Variants in MRPL21 observed in about 807,000 individuals in gnomAD.
MRPL21 encodes large ribosomal subunit protein bL21m.
In MRPL21, 20 loss-of-function variants were observed where a neutral mutation model predicts 27.3. The ratio of observed to expected loss-of-function variants is 0.73; its 90% CI spans 0.52 to 1.06. The LOEUF (loss-of-function observed/expected upper bound fraction) is 1.06, where lower values mean the gene tolerates loss of function less well. Among genes scored for constraint, MRPL21 ranks in the 50% least tolerant of loss-of-function variants. The probability of loss-of-function intolerance (pLI) is 0.00; values close to 1 mark genes in which losing one functional copy is unlikely to be tolerated. For synonymous variants in MRPL21, 98 were observed against 101.5 expected (o/e 0.97, Z 0.21); for missense variants, 249 against 251.4 (o/e 0.99, Z 0.06).
chr11:68,900,493 G>C (rs1191092994), intron 2 of MRPL21, 55 bp downstream of exon 2: 1 of 1,488,112 alleles, frequency 6.7e-7, no homozygotes. Flanking sequence ...ACTTTAGAAA[G>C]ATGGTTCTAC....
chr11:68,896,272 C>G (rs559991563), intron 4 of MRPL21, among the ~76,000 whole-genome samples: 3 of 152,212 alleles, frequency 2.0e-5, no homozygotes, highest in Non-Finnish European at 4.4e-5. Context: ...TGTGCTGTCT[C>G]CCTTCCTCCA....
intron 2 of MRPL21, among the ~76,000 whole-genome samples, chr11:68,898,634 G>C (rs1354052181): frequency 6.6e-6 from 1 of 152,346 alleles, no homozygotes; most frequent in South Asian, 2.1e-4. Context: ...CCGCCTGAAA[G>C]GGCTGTGTTA....
intron 2 of MRPL21, among the ~76,000 whole-genome samples, 169 bp from the exon 3 acceptor site, chr11:68,898,181 TA>T (rs1857848635): frequency 6.6e-6 from 1 of 152,212 alleles, no homozygotes; most frequent in Non-Finnish European, 1.5e-5. Context: ...AGGCTCCCTG[TA>T]TCCTTTTAGA....
chr11:68,896,451 G>C (rs943783940), intron 4 of MRPL21, 64 bp downstream of exon 4: 2 of 1,579,422 alleles, frequency 1.3e-6, no homozygotes, highest in Non-Finnish European at 1.7e-6. Context: ...TGTGAGCTGG[G>C]GCGTGGAGAT....
At chr11:68,902,121 TC>T (rs1303354668) in intron 1 of MRPL21, among the ~76,000 whole-genome samples, 2 of 152,208 alleles carry the variant, frequency 1.3e-5, no homozygotes, top group African/African-American at 4.8e-5. Context: ...ACTGTGTACT[TC>T]CATCACGTCT....
intron 3 of MRPL21, 108 bp from the exon 4 acceptor site, chr11:68,896,786 C>G (rs1445619151): frequency 3.5e-6 from 5 of 1,436,816 alleles, no homozygotes; most frequent in African/African-American, 2.8e-5. Context: ...ACCTGACAGC[C>G]AGCACCCCTT....
rs1857693105 is a variant in MRPL21, at chr11:68,893,081, T to C, written c.450-88A>G. The C allele has an allele frequency of 4.2e-6, 6 of 1,418,250 alleles. No homozygotes were observed. In the South Asian group the frequency reaches 6.0e-5, roughly 14 times the overall value. 87.9% of individuals were successfully genotyped at this position (1,418,250 alleles called of 1,614,324 possible). On this transcript the variant is annotated intron_variant, in intron 5 of 6. Transcript: ENST00000362034. ...AGAATTTCTAAAATGAAGTTATACT[T>C]TCTCTTTTGTTGATTATAAAAGTAA...
chr11:68,891,336 A>G lies in MRPL21; in HGVS notation c.613T>C (p.Leu205=). 6.2e-7 allele frequency: 1 copy of G among 1,614,086 alleles called. No individual in the cohort carries two copies. The highest frequency in any genetic ancestry group is 8.5e-7 in the Non-Finnish European group (1 of 1,179,978). Residue 205 remains leucine (L), a synonymous_variant, in exon 7 of 7, where the codon TTG becomes CTG. Transcript: ENST00000362034. ...INSIEIAPCL[L] ...TGTAAGTATTAACTCGGTAATCACA[A>G]CAAACACGGAGCAATCTCAATGCTG...
Position 68,895,030 on chromosome 11 carries a change from C to T in MRPL21, c.396+1485G>A, listed in dbSNP as rs150300078. 4.0e-3 allele frequency among the ~76,000 whole-genome samples: 612 copies of T among 152,220 alleles called. 10 individuals are homozygous for T. The highest frequency in any genetic ancestry group is 0.029 in the Admixed American group (437 of 15,300). ...CTGTAATCCCAACACTGTGGGAGGC[C>T]GAGGCGGGCAGACTGCCTGAGGTTG... On this transcript the variant is annotated intron_variant, in intron 4 of 6. Coordinates refer to ENST00000362034, the MANE Select transcript of MRPL21 (RefSeq NM_181514.2).
chr11:68,895,130 A>G (rs1240504661), intron 4 of MRPL21, among the ~76,000 whole-genome samples: 3 of 151,826 alleles, frequency 2.0e-5, no homozygotes, highest in African/African-American at 4.8e-5. Flanking sequence ...CAGGCATGGT[A>G]GTGCATGCCT....
At chr11:68,893,839 C>T (rs556468224) in intron 4 of MRPL21, among the ~76,000 whole-genome samples, 38 of 152,176 alleles carry the variant, frequency 2.5e-4, no homozygotes, top group Non-Finnish European at 4.9e-4. Flanking sequence ...TTTGGGAGGC[C>T]GAGGTGGGTG....
chr11:68,891,279 C>T lies in MRPL21; in HGVS notation c.*52G>A, dbSNP rs1857638934. On this transcript the variant is annotated 3_prime_UTR_variant, in exon 7 of 7. Coordinates refer to ENST00000362034, the MANE Select transcript of MRPL21 (RefSeq NM_181514.2). ...AAACCAGAACACAGAAACCTGGTCT[C>T]CTTGGGAAGCAGGAGTTTATTTTTA... 2 of 1,571,396 alleles carry T rather than the reference C, an allele frequency of 1.3e-6. No homozygotes were observed.
chr11:68,903,228 T>A (rs1858013234), intron 1 of MRPL21, among the ~76,000 whole-genome samples: 1 of 152,156 alleles, frequency 6.6e-6, no homozygotes, highest in Non-Finnish European at 1.5e-5. Context: ...AGCAGAGATT[T>A]ATAGAGTTTT....
chr11:68,893,446 C>G lies in MRPL21; in HGVS notation c.406G>C (p.Val136Leu). Reference sequence around the variant, plus strand: ...AGCAGCGTGAAGTTGTCTGCCCCAACCAGCAGGACCTGAAAAATTCAACAG... The same window carrying G: ...AGCAGCGTGAAGTTGTCTGCCCCAAGCAGCAGGACCTGAAAAATTCAACAG... ...ERIRLEKVLL[V>L]GADNFTLLGK... The change falls in exon 5 of 7, where the codon GTT becomes CTT. Residue 136 changes from valine (V) to leucine (L), a missense_variant. Physicochemically the swap from Val to Leu is conservative, Grantham distance 32. Coordinates refer to ENST00000362034, the MANE Select transcript of MRPL21 (RefSeq NM_181514.2). 1 of 1,614,218 alleles carries G rather than the reference C, an allele frequency of 6.2e-7. No homozygotes were observed. The highest frequency in any genetic ancestry group is 8.5e-7 in the Non-Finnish European group (1 of 1,180,040).
At chr11:68,893,198 T>C (rs948282397) in intron 5 of MRPL21, 34 of 1,361,700 alleles carry the variant, frequency 2.5e-5, no homozygotes, top group Non-Finnish European at 3.1e-5. Context: ...AGGACCACAC[T>C]GTCATGAAAC....
intron 1 of MRPL21, 74 bp from the exon 2 acceptor site, chr11:68,900,679 G>A: frequency 7.8e-7 from 1 of 1,277,168 alleles, no homozygotes; most frequent in Non-Finnish European, 1.1e-6. Flanking sequence ...GATGCTAAAT[G>A]CACAGCTGCT....
intron 1 of MRPL21, among the ~76,000 whole-genome samples, chr11:68,903,083 A>G (rs1055624560): frequency 6.6e-6 from 1 of 152,176 alleles, no homozygotes; most frequent in African/African-American, 2.4e-5. Context: ...GAATTATGGT[A>G]CTATTCTTTT....
chr11:68,900,362 C>A (rs1160972567), intron 2 of MRPL21, among the ~76,000 whole-genome samples, 186 bp downstream of exon 2: 1 of 152,096 alleles, frequency 6.6e-6, no homozygotes, highest in African/African-American at 2.4e-5. Context: ...GAGGCTGAGG[C>A]GGGAGGACCA....
chr11:68,893,339 T>C, intron 5 of MRPL21, 64 bp downstream of exon 5: 1 of 1,609,312 alleles, frequency 6.2e-7, no homozygotes, highest in Non-Finnish European at 8.5e-7. Flanking sequence ...AATTGCACTG[T>C]GACCACTGTC....
Sources: allele counts gnomAD v4.1 joint callset (sites outside exome capture counted in the v4.1 genomes callset), GRCh38; gene constraint gnomAD v4.1.1; transcripts MANE v1.5; gene names NCBI Gene and HGNC (gene_info 2026-07-23, HGNC 2026-07-21).